Variants in HTT observed in about 807,000 individuals in gnomAD.
The protein encoded by HTT is huntingtin.
HTT carries 104 observed loss-of-function variants against 362.3 expected under a neutral mutation model. The observed-to-expected ratio is 0.29, with a 90% CI of 0.24 to 0.34. HTT has a LOEUF of 0.34. HTT is among the 10% of genes least tolerant of loss of function. HTT has a pLI of 1.00. For missense variants in HTT, 3,301 were observed against 3,928.6 expected, an observed-to-expected ratio of 0.84 and a Z score of 4.27; for synonymous variants, 1,577 against 1,548.7, an observed-to-expected ratio of 1.02 and a Z score of -0.43.
rs1312100010 is a variant in HTT at position 3,228,230 on chromosome 4, C to A, written c.7849-385C>A. 6.6e-6 allele frequency among the ~76,000 whole-genome samples: 1 copy of A among 152,230 alleles called. No homozygotes were observed. The highest frequency in any genetic ancestry group is 1.5e-5 in the Non-Finnish European group (1 of 68,044). ...CGAGGGAGCTCTGGCCTTGGGTTTA[C>A]CGCAATGACTGCCAGTGCGGGAGAC... On this transcript the variant is annotated intron_variant, in intron 57 of 66. Coordinates refer to ENST00000355072, the MANE Select transcript of HTT (RefSeq NM_001388492.1). This position sits in a 1 kb window ranked among gnomAD's most constrained non-coding sequence, Gnocchi z 4.3.
At chr4:3,145,407 G>A (rs1028606989) in intron 24 of HTT, among the ~76,000 whole-genome samples, 179 bp downstream of exon 24, 1 of 152,214 alleles carries the variant, frequency 6.6e-6, no homozygotes, top group African/African-American at 2.4e-5. Context: ...GACAGGAGCT[G>A]TGGGAAATGA....
chr4:3,214,964 G>C (rs1720328252), intron 50 of HTT, 146 bp from the exon 51 acceptor site: 2 of 632,368 alleles, frequency 3.2e-6, no homozygotes, highest in Non-Finnish European at 2.8e-6. Flanking sequence ...AGTATTGTCT[G>C]TTTGTCTAAA....
At chr4:3,162,892 C>G (rs971871508) in intron 29 of HTT, among the ~76,000 whole-genome samples, 8 of 152,206 alleles carry the variant, frequency 5.3e-5, no homozygotes, top group African/African-American at 9.7e-5. Flanking sequence ...TTTACTTCCT[C>G]TCTTCCTATT....
intron 2 of HTT, among the ~76,000 whole-genome samples, chr4:3,089,045 G>T (rs1713363161): frequency 6.6e-6 from 1 of 152,218 alleles, no homozygotes; most frequent in African/African-American, 2.4e-5. Context: ...TCTGCTACCT[G>T]TGTAAGCTGG....
At position 3,172,920 on chromosome 4, in the gene HTT, C is replaced by T; in HGVS notation, c.3955C>T (p.Leu1319Phe). Residue 1319 changes from leucine to phenylalanine, a missense_variant, in exon 31 of 67, where the codon CTC becomes TTC. Physicochemically the swap from Leu to Phe is conservative, Grantham distance 22. Coordinates refer to ENST00000355072, the MANE Select transcript of HTT (RefSeq NM_001388492.1). Reference protein sequence around the residue: ...TVCVQQLLKTLFGTNLASQFD... With the variant: ...TVCVQQLLKTFFGTNLASQFD... ...TTTTTCACTGTAGTTGTTGAAGACT[C>T]TCTTTGGCACAAACTTGGCCTCCCA... 1 of 1,614,058 alleles carries T rather than the reference C, an allele frequency of 6.2e-7. No individual in the cohort carries two copies. Among genetic ancestry groups the T allele is most frequent in the Non-Finnish European group, 8.5e-7 (1 of 1,179,896 alleles).
At chr4:3,236,863 C>G (rs1277822699) in intron 64 of HTT, among the ~76,000 whole-genome samples, 2 of 152,028 alleles carry the variant, frequency 1.3e-5, no homozygotes, top group African/African-American at 2.4e-5. Context: ...GACAAGGGCC[C>G]CTGATTTGCT....
At chr4:3,146,249 C>T (rs1310777132) in intron 24 of HTT, among the ~76,000 whole-genome samples, 1 of 152,108 alleles carries the variant, frequency 6.6e-6, no homozygotes, top group African/African-American at 2.4e-5. Context: ...GGGGATTGAG[C>T]CCTGGGTAGT....
chr4:3,236,010 G>A (rs1207467500), intron 63 of HTT, 139 bp from the exon 64 acceptor site: 2 of 752,994 alleles, frequency 2.7e-6, no homozygotes, highest in Non-Finnish European at 2.3e-6. Context: ...AGCTGGGCTG[G>A]GTCCTGGGCA....
intron 28 of HTT, among the ~76,000 whole-genome samples, chr4:3,159,803 C>T (rs1334633386): frequency 1.3e-5 from 2 of 152,200 alleles, no homozygotes; most frequent in African/African-American, 2.4e-5. Flanking sequence ...AATTTAATTA[C>T]ATGAAATCCT....
At position 3,127,395 on chromosome 4, in the gene HTT, C is replaced by T. The variant is rs200974872; in HGVS notation, c.1534C>T (p.Leu512=). Residue 512 remains leucine, a synonymous_variant, in exon 12 of 67, where the codon CTG becomes TTG. Transcript: ENST00000355072. ...QHTLQADSVD[L]ASCDLTSSAT... ...CACACTGCAGGCGGACTCAGTGGAT[C>T]TGGCCAGCTGTGACTTGACAAGCTC... The T allele has an allele frequency of 6.2e-7, 1 of 1,614,190 alleles. No homozygotes were observed. The highest frequency in any genetic ancestry group is 8.5e-7 in the Non-Finnish European group (1 of 1,180,038).
chr4:3,131,623 G>C lies in HTT; in HGVS notation c.2099-15G>C. The C allele has an allele frequency of 6.2e-7, 1 of 1,610,350 alleles. No individual in the cohort carries two copies. Among genetic ancestry groups the C allele is most frequent in the Non-Finnish European group, 8.5e-7 (1 of 1,177,510 alleles). On this transcript the variant is annotated splice_polypyrimidine_tract_variant and intron_variant, in intron 15 of 66. Transcript: ENST00000355072. The stretch of plus-strand genomic sequence containing the variant: ...TTGTTTGAGGCTGAAGGTGGCTTGG[G>C]TGATTTCTTGGCAGTGCTGGTTCCG...
rs557898161 is a variant in HTT, at chr4:3,183,808, G to A, written c.4866+1338G>A. Among the ~76,000 whole-genome samples, 152 of 152,262 alleles carry A rather than the reference G, an allele frequency of 1.0e-3. 1 individual carries two copies. The South Asian group carries it at 0.029, about 29-fold the overall frequency. ...GTAAATACCTGACTTAATATCTGCC[G>A]CAATGGAAATTGTGTGATACAACAT... On this transcript the variant is annotated intron_variant, in intron 37 of 66. Coordinates refer to ENST00000355072, the MANE Select transcript of HTT (RefSeq NM_001388492.1).
intron 8 of HTT, among the ~76,000 whole-genome samples, chr4:3,116,745 C>T (rs761683653): frequency 1.3e-5 from 2 of 152,176 alleles, no homozygotes; most frequent in African/African-American, 2.4e-5. Context: ...AACAAAATGT[C>T]GGAACTTCTC....
At position 3,146,875 on chromosome 4, in the gene HTT, C is replaced by T; in HGVS notation, c.3222C>T (p.Leu1074=). Reference sequence around the variant, plus strand: ...TGGCCACAATGATTCTGACCCTGCTCTCGTCAGCTTGGTTCCCATTGGATC... The same window carrying T: ...TGGCCACAATGATTCTGACCCTGCTTTCGTCAGCTTGGTTCCCATTGGATC... ...VGMATMILTL[L]SSAWFPLDLS... The change falls in exon 25 of 67, where the codon CTC becomes CTT. Residue 1074 remains leucine, a synonymous_variant. Coordinates refer to ENST00000355072, the MANE Select transcript of HTT (RefSeq NM_001388492.1). 1 of 1,614,140 alleles carries T rather than the reference C, an allele frequency of 6.2e-7. No homozygotes were observed. Among genetic ancestry groups the T allele is most frequent in the Non-Finnish European group, 8.5e-7 (1 of 1,179,970 alleles).
intron 1 of HTT, among the ~76,000 whole-genome samples, chr4:3,083,905 G>T (rs1240266578): frequency 5.3e-5 from 8 of 152,144 alleles, no homozygotes; most frequent in African/African-American, 1.9e-4. Flanking sequence ...TTCAACAGGT[G>T]AATGGTTAAA....
chr4:3,099,417 TCTC>T (rs747520141), intron 3 of HTT, 23 bp downstream of exon 3: 2 of 1,613,560 alleles, frequency 1.2e-6, no homozygotes, highest in African/African-American at 1.3e-5. Flanking sequence ...TGGATGATGT[TCTC>T]CTCAGAGCTA....
intron 26 of HTT, among the ~76,000 whole-genome samples, chr4:3,152,813 AT>A (rs1181564097): frequency 3.1e-3 from 415 of 132,280 alleles, no homozygotes; most frequent in Admixed American, 4.4e-3. Flanking sequence ...TGCCTGGCTA[AT>A]TTTTTTTTTT....
Position 3,204,060 on chromosome 4 carries a change from A to G in HTT, c.5630A>G (p.Glu1877Gly). ...CTTAGTCCCCAGATGTCTGGAGAAG[A>G]GGAGGATTCTGACTTGGCAGCCAAA... is the stretch of plus-strand genomic sequence containing the variant. ...KLLSPQMSGEEEDSDLAAKLG... is the reference protein window; with the variant it reads ...KLLSPQMSGEGEDSDLAAKLG... Residue 1877 changes from glutamate (E) to glycine (G), a missense_variant, in exon 42 of 67, where the codon GAG becomes GGG. This residue lies in a region of HTT where 2,316 missense variants were observed against 2,658.5 expected (regional missense o/e 0.87). Coordinates refer to ENST00000355072, the MANE Select transcript of HTT (RefSeq NM_001388492.1). 6.2e-7 allele frequency: 1 copy of G among 1,614,120 alleles called. No individual in the cohort carries two copies. The highest frequency in any genetic ancestry group is 8.5e-7 in the Non-Finnish European group (1 of 1,179,938).
Position 3,121,372 on chromosome 4 carries a change from A to G in HTT, c.1213A>G (p.Thr405Ala). 1.2e-6 allele frequency: 2 copies of G among 1,614,052 alleles called. No homozygotes were observed. The highest frequency in any genetic ancestry group is 4.5e-5 in the East Asian group (2 of 44,884). The change falls in exon 9 of 67, where the codon ACC becomes GCC. Residue 405 changes from threonine to alanine, a missense_variant. Physicochemically the swap from Thr to Ala is moderately conservative, Grantham distance 58. Around this residue, in one of 4 missense-constraint regions of HTT, gnomAD observed 2,316 missense variants for 2,658.5 expected, o/e 0.87. Transcript: ENST00000355072. Reference protein sequence around the residue: ...LTAVGGIGQLTAAKEESGGRS... With the variant: ...LTAVGGIGQLAAAKEESGGRS... ...CGCAGTCGGGGGCATTGGGCAGCTC[A>G]CCGCTGCTAAGGAGGAGTCTGGTGG...
Sources: gnomAD v4.1 joint callset for allele counts (sites outside exome capture counted in the v4.1 genomes callset) on GRCh38, gnomAD v4.1.1 for gene constraint, gnomAD v4.1.1 regional missense constraint, Gnocchi (gnomAD v3.1) non-coding constraint, MANE v1.5 for transcripts, NCBI Gene and HGNC (gene_info 2026-07-23, HGNC 2026-07-21) for gene names.